Variants in MARCHF1 observed in about 807,000 individuals in gnomAD.
MARCHF1 encodes the protein membrane associated ring-CH-type finger 1.
Under a neutral mutation model 54.2 loss-of-function variants are expected in MARCHF1, and 40 were observed. That is an observed-to-expected ratio of 0.74 (90% confidence interval 0.57 to 0.96). The LOEUF (loss-of-function observed/expected upper bound fraction) is 0.96, where lower values mean the gene tolerates loss of function less well. Ranked by LOEUF, MARCHF1 falls within the 40% of genes least tolerant of loss-of-function variation. MARCHF1 has a pLI of 0.00. For synonymous variants in MARCHF1, 236 were observed against 236.3 expected, an observed-to-expected ratio of 1.00 and a Z score of 0.01; for missense variants, 586 against 656.5, an observed-to-expected ratio of 0.89 and a Z score of 1.17.
chr4:163,743,415 A>G (rs1259029453), intron 4 of MARCHF1, among the ~76,000 whole-genome samples: 4 of 152,180 alleles, frequency 2.6e-5, no homozygotes, highest in Non-Finnish European at 5.9e-5. Flanking sequence ...GCAACCCAAT[A>G]AGATGCTCTA....
rs370504086 is a variant in MARCHF1, at chr4:164,326,957, T to TTGTGTGTGTGTGTGTGTGTG, written c.-323+56893_-323+56912dup. On this transcript the variant is annotated intron_variant, in intron 1 of 9. Transcript: ENST00000514618. ...CTACCTCATAGGTTTGTTGTAAGGA[T>TTGTGTGTGTGTGTGTGTGTG]TGTGTGTGTGTGTGTGTGTGTGTGT... Among the ~76,000 whole-genome samples, 69 of 133,716 alleles carry TTGTGTGTGTGTGTGTGTGTG rather than the reference T, an allele frequency of 5.2e-4. 3 individuals carry two copies. Among genetic ancestry groups the TTGTGTGTGTGTGTGTGTGTG allele is most frequent in the African/African-American group, 1.2e-3 (42 of 34,366 alleles). 87.7% of individuals were successfully genotyped at this position (133,716 alleles called of 152,430 possible).
chr4:164,044,849 T>A (rs1579486760), intron 2 of MARCHF1, among the ~76,000 whole-genome samples: 1 of 152,104 alleles, frequency 6.6e-6, no homozygotes. Flanking sequence ...TATATAGACA[T>A]TATTTCTCTC....
At chr4:164,143,960 A>G (rs998799754) in intron 1 of MARCHF1, among the ~76,000 whole-genome samples, 2 of 152,224 alleles carry the variant, frequency 1.3e-5, no homozygotes, top group African/African-American at 2.4e-5. Flanking sequence ...TAGGCTCAAA[A>G]TAAAAGGATG....
chr4:164,088,877 T>G (rs1755243974), intron 2 of MARCHF1, among the ~76,000 whole-genome samples: 1 of 152,232 alleles, frequency 6.6e-6, no homozygotes, highest in South Asian at 2.1e-4. Context: ...ATAGGGATTA[T>G]TTTCTTTAAA....
At chr4:164,324,457 C>T (rs774573322) in intron 1 of MARCHF1, among the ~76,000 whole-genome samples, 6 of 151,422 alleles carry the variant, frequency 4.0e-5, no homozygotes, top group South Asian at 2.1e-4. Context: ...GTATAAATCA[C>T]GAAAAAGAAT....
At chr4:163,816,526 A>T (rs1460079279) in intron 4 of MARCHF1, among the ~76,000 whole-genome samples, 1 of 151,972 alleles carries the variant, frequency 6.6e-6, no homozygotes, top group Non-Finnish European at 1.5e-5. Flanking sequence ...ATACTATTTT[A>T]TAATTAATAT....
intron 1 of MARCHF1, among the ~76,000 whole-genome samples, chr4:164,262,443 T>C (rs1298023428): frequency 6.6e-6 from 1 of 152,208 alleles, no homozygotes; most frequent in Non-Finnish European, 1.5e-5. Flanking sequence ...AGTCTCCTTT[T>C]ATTTTGATGA....
chr4:164,132,120 C>T (rs1756313462), intron 1 of MARCHF1, among the ~76,000 whole-genome samples: 1 of 152,096 alleles, frequency 6.6e-6, no homozygotes, highest in Admixed American at 6.6e-5. Flanking sequence ...TTTCACACTT[C>T]AAGAGAGACA....
At chr4:164,058,551 T>A (rs1754544776) in intron 2 of MARCHF1, among the ~76,000 whole-genome samples, 1 of 152,136 alleles carries the variant, frequency 6.6e-6, no homozygotes, top group Non-Finnish European at 1.5e-5. Context: ...AATTTTATAT[T>A]TGAATTTATG....
chr4:164,347,097 T>G (rs183301810), intron 1 of MARCHF1, among the ~76,000 whole-genome samples: 1 of 152,200 alleles, frequency 6.6e-6, no homozygotes, highest in Non-Finnish European at 1.5e-5. Flanking sequence ...CCAAACACAT[T>G]GAACTGAATC....
intron 4 of MARCHF1, among the ~76,000 whole-genome samples, chr4:163,733,595 T>A (rs1310100280): frequency 2.0e-5 from 3 of 151,634 alleles, no homozygotes; most frequent in African/African-American, 7.3e-5. Context: ...CCTAATGCTA[T>A]CCCTCCCCGC....
At chr4:164,219,228 T>G (rs866973601) in intron 1 of MARCHF1, among the ~76,000 whole-genome samples, 1 of 151,572 alleles carries the variant, frequency 6.6e-6, no homozygotes, top group East Asian at 1.9e-4. Flanking sequence ...AAATTAAATA[T>G]TTATATAGTT....
At chr4:163,792,447 A>ATACTTGC (rs1292736729) in intron 4 of MARCHF1, among the ~76,000 whole-genome samples, 5 of 152,138 alleles carry the variant, frequency 3.3e-5, no homozygotes, top group African/African-American at 1.2e-4. Flanking sequence ...TGTTCAACAA[A>ATACTTGC]TACTTGCTGA....
chr4:163,860,419 A>C (rs1560792162), intron 3 of MARCHF1, among the ~76,000 whole-genome samples: 1 of 152,162 alleles, frequency 6.6e-6, no homozygotes, highest in Non-Finnish European at 1.5e-5. Flanking sequence ...AAACACCGTG[A>C]AATACCCCCA....
chr4:164,212,219 T>C lies in MARCHF1; in HGVS notation c.-322-100557A>G, dbSNP rs1340736976. Among the ~76,000 whole-genome samples the C allele has an allele frequency of 2.0e-5, 3 of 152,188 alleles. No homozygotes were observed. The East Asian group carries it at 5.8e-4, about 29-fold the overall frequency. ...CATTCATTAAATATTTGCTCTGTCC[T>C]AAGGATTACACAAAGCTCTGGCACA... On this transcript the variant is annotated intron_variant, in intron 1 of 9. Coordinates refer to ENST00000514618, the MANE Select transcript of MARCHF1 (RefSeq NM_001394959.1).
chr4:164,087,602 A>G (rs1029500285), intron 2 of MARCHF1, among the ~76,000 whole-genome samples: 4 of 152,176 alleles, frequency 2.6e-5, no homozygotes, highest in Non-Finnish European at 4.4e-5. Context: ...TTAAAATTAT[A>G]TAAGATGAAT....
intron 3 of MARCHF1, among the ~76,000 whole-genome samples, chr4:163,940,950 G>A (rs1751900440): frequency 6.6e-6 from 1 of 152,028 alleles, no homozygotes; most frequent in Non-Finnish European, 1.5e-5. Flanking sequence ...TATTTTTTAT[G>A]TCAAGCATTA....
chr4:163,979,760 C>T (rs1299970549), intron 3 of MARCHF1, among the ~76,000 whole-genome samples: 1 of 152,156 alleles, frequency 6.6e-6, no homozygotes, highest in African/African-American at 2.4e-5. Flanking sequence ...GTTTGCATTT[C>T]TCTGATGGCC....
In MARCHF1 at chr4:164,208,959, T is replaced by C. The variant is rs916663712; in HGVS notation, c.-322-97297A>G. Among the ~76,000 whole-genome samples, 7 of 151,710 alleles carry C rather than the reference T, an allele frequency of 4.6e-5. No individual in the cohort carries two copies. In the South Asian group the frequency reaches 6.2e-4, roughly 14 times the overall value. ...TACCCTGTTTCTCTGTCTCTGTCTG[T>C]CTGTCTCTCTCTCTCTCTCACTTTC... On this transcript the variant is annotated intron_variant, in intron 1 of 9. Coordinates refer to ENST00000514618, the MANE Select transcript of MARCHF1 (RefSeq NM_001394959.1).
Sources: allele counts gnomAD v4.1 joint callset (sites outside exome capture counted in the v4.1 genomes callset), GRCh38; gene constraint gnomAD v4.1.1; transcripts MANE v1.5; gene names NCBI Gene and HGNC (gene_info 2026-07-23, HGNC 2026-07-21).